Variants in NRXN1 observed in about 807,000 individuals in gnomAD.
NRXN1 encodes the protein neurexin-1.
In NRXN1, 39 loss-of-function variants were observed where a neutral mutation model predicts 150.9. That is an observed-to-expected ratio of 0.26 (90% confidence interval 0.20 to 0.34). NRXN1 has a LOEUF of 0.34. Ranked by LOEUF, NRXN1 falls within the 10% of genes least tolerant of loss-of-function variation. The pLI, the probability that NRXN1 is intolerant of heterozygous loss-of-function variation, is 1.00. For synonymous variants in NRXN1, 924 were observed against 757.0 expected (o/e 1.22, Z -3.62); for missense variants, 1,815 against 1,949.9 (o/e 0.93, Z 1.30).
chr2:50,810,227 T>C (rs917385637), intron 5 of NRXN1, among the ~76,000 whole-genome samples: 4 of 152,300 alleles, frequency 2.6e-5, no homozygotes, highest in Admixed American at 2.0e-4. Flanking sequence ...AGGTGTTGCT[T>C]TGATTGTTAC....
At chr2:50,290,144 T>C (rs1256580909) in intron 17 of NRXN1, among the ~76,000 whole-genome samples, 1 of 152,144 alleles carries the variant, frequency 6.6e-6, no homozygotes, top group Non-Finnish European at 1.5e-5. Context: ...AGTTCACATT[T>C]AAAACCAAGA....
At chr2:50,854,394 A>T (rs1377061565) in intron 5 of NRXN1, among the ~76,000 whole-genome samples, 1 of 152,074 alleles carries the variant, frequency 6.6e-6, no homozygotes, top group Non-Finnish European at 1.5e-5. Flanking sequence ...AGGAAAAAAT[A>T]CTAGTAAAAC....
chr2:50,772,031 G>A (rs1352936084), intron 5 of NRXN1, among the ~76,000 whole-genome samples: 2 of 151,998 alleles, frequency 1.3e-5, no homozygotes, highest in Admixed American at 1.3e-4. Context: ...AAAATATCTA[G>A]TACAGACATG....
At chr2:50,094,194 T>A (rs1176503904) in intron 18 of NRXN1, among the ~76,000 whole-genome samples, 1 of 152,212 alleles carries the variant, frequency 6.6e-6, no homozygotes, top group East Asian at 1.9e-4. Flanking sequence ...ACATAATAAG[T>A]CAAAAACACA....
At chr2:50,009,035 T>G (rs1224157512) in intron 21 of NRXN1, among the ~76,000 whole-genome samples, 1 of 152,188 alleles carries the variant, frequency 6.6e-6, no homozygotes, top group Non-Finnish European at 1.5e-5. Flanking sequence ...ATCAATAACT[T>G]TATAACTACC....
intron 19 of NRXN1, among the ~76,000 whole-genome samples, chr2:50,060,982 C>T (rs1289504053): frequency 1.3e-5 from 2 of 152,064 alleles, no homozygotes; most frequent in Non-Finnish European, 2.9e-5. Flanking sequence ...TAGATGATTC[C>T]CCAAATCCTT....
chr2:50,987,239 T>C (rs1320866448), intron 2 of NRXN1, among the ~76,000 whole-genome samples: 1 of 151,940 alleles, frequency 6.6e-6, no homozygotes, highest in African/African-American at 2.4e-5. Context: ...TTTTAAAGAT[T>C]TTCTATTTAA....
At chr2:50,352,068 C>T (rs2078450718) in intron 17 of NRXN1, among the ~76,000 whole-genome samples, 2 of 152,082 alleles carry the variant, frequency 1.3e-5, no homozygotes, top group Admixed American at 1.3e-4. Flanking sequence ...CTGAGATCTA[C>T]CTAAAAGAAC....
At chr2:50,024,956 G>A (rs906657695) in intron 21 of NRXN1, among the ~76,000 whole-genome samples, 1 of 152,112 alleles carries the variant, frequency 6.6e-6, no homozygotes, top group Non-Finnish European at 1.5e-5. Context: ...TAAAGTGAAG[G>A]TTCTGGGCTA....
intron 5 of NRXN1, among the ~76,000 whole-genome samples, chr2:50,709,731 G>A (rs958868122): frequency 1.3e-5 from 2 of 152,116 alleles, no homozygotes; most frequent in Non-Finnish European, 2.9e-5. Flanking sequence ...ACTGAGTGAG[G>A]ACTGTTGTTC....
chr2:50,817,818 A>G (rs573213147), intron 5 of NRXN1, among the ~76,000 whole-genome samples: 2 of 152,026 alleles, frequency 1.3e-5, no homozygotes, highest in African/African-American at 2.4e-5. Flanking sequence ...CATGATAAAA[A>G]CACTTAACAA....
intron 5 of NRXN1, among the ~76,000 whole-genome samples, chr2:50,688,649 T>A (rs1691611498): frequency 6.6e-6 from 1 of 152,206 alleles, no homozygotes; most frequent in Non-Finnish European, 1.5e-5. Flanking sequence ...GCATCCGTTA[T>A]CTTCTCAGGG....
At chr2:50,576,621 A>T (rs899606393) in intron 8 of NRXN1, among the ~76,000 whole-genome samples, 3 of 152,132 alleles carry the variant, frequency 2.0e-5, no homozygotes, top group African/African-American at 7.2e-5. Flanking sequence ...ACACAAACAC[A>T]TACATACCCC....
At chr2:50,096,076 CA>C (rs952513150) in intron 18 of NRXN1, among the ~76,000 whole-genome samples, 4 of 151,836 alleles carry the variant, frequency 2.6e-5, no homozygotes, top group African/African-American at 7.3e-5. Flanking sequence ...ATGTCTTTGA[CA>C]TCTCATGGAT....
chr2:50,300,283 T>C (rs1260074272), intron 17 of NRXN1, among the ~76,000 whole-genome samples: 1 of 152,216 alleles, frequency 6.6e-6, no homozygotes, highest in African/African-American at 2.4e-5. Context: ...ATGCCAGAGA[T>C]ATCTTAGTTA....
chr2:50,586,115 A>C (rs1336437137), intron 8 of NRXN1, among the ~76,000 whole-genome samples: 1 of 152,150 alleles, frequency 6.6e-6, no homozygotes, highest in Non-Finnish European at 1.5e-5. Context: ...CTCCATCTAC[A>C]TTAGCCTTTT....
At chr2:50,151,696 A>C (rs185582418) in intron 18 of NRXN1, among the ~76,000 whole-genome samples, 485 of 151,922 alleles carry the variant, frequency 3.2e-3, no homozygotes, top group Non-Finnish European at 4.9e-3. Flanking sequence ...AATGACTAAA[A>C]ATGGGTATGA....
intron 18 of NRXN1, among the ~76,000 whole-genome samples, chr2:50,176,250 G>C (rs772897768): frequency 1.3e-5 from 2 of 152,066 alleles, no homozygotes; most frequent in Non-Finnish European, 2.9e-5. Flanking sequence ...AAATTTTTTA[G>C]CTCAATTTCT....
At chr2:50,585,105 T>G (rs181399839) in intron 8 of NRXN1, among the ~76,000 whole-genome samples, 1 of 152,282 alleles carries the variant, frequency 6.6e-6, no homozygotes, top group African/African-American at 2.4e-5. Flanking sequence ...TGAAAAATAA[T>G]GTAGTAGTAG....
Sources: allele counts gnomAD v4.1 joint callset (sites outside exome capture counted in the v4.1 genomes callset), GRCh38; gene constraint gnomAD v4.1.1; transcripts MANE v1.5; gene names NCBI Gene and HGNC (gene_info 2026-07-23, HGNC 2026-07-21).